SCUBE1: variants seen among roughly 807,000 people sequenced by gnomAD.
SCUBE1 encodes the protein signal peptide, CUB and EGF-like domain-containing protein 1.
A neutral mutation model predicts 124.4 loss-of-function variants in SCUBE1; 59 were observed. The observed-to-expected ratio is 0.47, with a 90% CI of 0.38 to 0.59. The LOEUF is 0.59. Among genes scored for constraint, SCUBE1 ranks in the 20% least tolerant of loss-of-function variants. The pLI is 0.00. For missense variants in SCUBE1, 1,150 were observed against 1,371.2 expected (o/e 0.84, Z 2.55); for synonymous variants, 545 against 550.9 (o/e 0.99, Z 0.15).
chr22:43,220,415 G>T (rs773699930), intron 14 of SCUBE1, 35 bp downstream of exon 14: 2 of 1,606,334 alleles, frequency 1.2e-6, no homozygotes, highest in South Asian at 2.2e-5. Context: ...CCTCCTTCAG[G>T]CCTGCAGAAG....
At chr22:43,288,361 C>T (rs537668877) in intron 4 of SCUBE1, among the ~76,000 whole-genome samples, 1 of 152,054 alleles carries the variant, frequency 6.6e-6, no homozygotes, top group Non-Finnish European at 1.5e-5. Flanking sequence ...CCCAGATGGC[C>T]TCCCCTCTCC....
At chr22:43,322,348 C>T (rs1926586212) in intron 2 of SCUBE1, among the ~76,000 whole-genome samples, 1 of 152,166 alleles carries the variant, frequency 6.6e-6, no homozygotes, top group Admixed American at 6.5e-5. Flanking sequence ...TGACCTTTCT[C>T]CAGAGCCCCA....
intron 21 of SCUBE1, among the ~76,000 whole-genome samples, chr22:43,204,812 C>A (rs186534721): frequency 6.6e-6 from 1 of 151,784 alleles, no homozygotes; most frequent in Non-Finnish European, 1.5e-5. Context: ...GGCGTGGTGG[C>A]GCATGCCTGT....
Position 43,227,412 on chromosome 22 carries a change from G to C in SCUBE1, c.1169C>G (p.Pro390Arg), listed in dbSNP as rs185039637. The C allele has an allele frequency of 4.2e-4, 682 of 1,612,070 alleles. 3 individuals carry two copies. In the East Asian group the frequency reaches 0.015, roughly 35 times the overall value. The change falls in exon 10 of 22, where the codon CCG becomes CGG. Residue 390 changes from proline to arginine, a missense_variant. Transcript: ENST00000360835. ...CCCGTTCCAGTGGAGCCGCCTCCCC[G>C]GGGGACAGACGCACTCGTAGCTGCC... The part of the protein sequence containing the change: ...TKGSYECVCP[P>R]GRRLHWNGKD...
chr22:43,284,779 G>GTCGTCA lies in SCUBE1; in HGVS notation c.484+6266_484+6267insTGACGA, dbSNP rs372996693. On this transcript the variant is annotated intron_variant, in intron 4 of 21. Transcript: ENST00000360835. ...CATCGTCATCGTCGTCGTCGTCGTC[G>GTCGTCA]TCATCATCATCATCACATTACACAC... Among the ~76,000 whole-genome samples the GTCGTCA allele has an allele frequency of 1.3e-3, 196 of 152,146 alleles. 1 individual carries two copies. Among genetic ancestry groups the GTCGTCA allele is most frequent in the African/African-American group, 4.2e-3 (176 of 41,484 alleles).
chr22:43,291,354 C>T (rs1409136570), intron 3 of SCUBE1, among the ~76,000 whole-genome samples, 174 bp from the exon 4 acceptor site: 1 of 152,068 alleles, frequency 6.6e-6, no homozygotes, highest in Non-Finnish European at 1.5e-5. Context: ...TGGGCCTCCA[C>T]GGCCCTGCAC....
chr22:43,320,902 C>T (rs1926520407), intron 2 of SCUBE1, among the ~76,000 whole-genome samples: 1 of 152,238 alleles, frequency 6.6e-6, no homozygotes, highest in Admixed American at 6.5e-5. Flanking sequence ...ACCCCGGTCA[C>T]ACCTGGCGTC....
chr22:43,314,549 C>T lies in SCUBE1; in HGVS notation c.349+5388G>A, dbSNP rs567028587. On this transcript the variant is annotated intron_variant, in intron 3 of 21. Coordinates refer to ENST00000360835, the MANE Select transcript of SCUBE1 (RefSeq NM_173050.5). ...AGTCATGAGCACCTGGAACACACGC[C>T]TACCACTCCACATTACATGCTGGGT... Among the ~76,000 whole-genome samples the T allele has an allele frequency of 3.3e-5, 5 of 152,254 alleles. No individual in the cohort carries two copies. In the East Asian group the frequency reaches 9.7e-4, roughly 29 times the overall value.
At position 43,210,796 on chromosome 22, in the gene SCUBE1, G is replaced by A. The variant is rs890732225; in HGVS notation, c.2383+126C>T. On this transcript the variant is annotated intron_variant, in intron 18 of 21. Transcript: ENST00000360835. This position sits in a 1 kb window ranked among gnomAD's most constrained non-coding sequence, Gnocchi z 4.5. ...GGATGCAATGCACCCGAGAGCAGAC[G>A]GGACGGAGCGGGAGGAGTCCAGTGT... The A allele has an allele frequency of 2.1e-5, 24 of 1,142,406 alleles. No homozygotes were observed. The highest frequency in any genetic ancestry group is 3.0e-5 in the Non-Finnish European group (24 of 788,854). 70.8% of individuals were successfully genotyped at this position (1,142,406 alleles called of 1,614,324 possible).
intron 9 of SCUBE1, 66 bp downstream of exon 9, chr22:43,229,006 G>T: frequency 8.7e-7 from 1 of 1,152,248 alleles, no homozygotes; most frequent in Non-Finnish European, 1.3e-6. Context: ...GGGGTGCAGT[G>T]TAGGTGGCCG....
intron 9 of SCUBE1, among the ~76,000 whole-genome samples, 185 bp downstream of exon 9, chr22:43,228,887 T>C (rs1922435578): frequency 1.3e-5 from 2 of 152,242 alleles, no homozygotes; most frequent in African/African-American, 4.8e-5. Context: ...TGCTACCCCT[T>C]GTCTCCCCAG....
intron 3 of SCUBE1, among the ~76,000 whole-genome samples, chr22:43,311,674 G>A (rs1226428741): frequency 6.6e-6 from 1 of 151,508 alleles, no homozygotes; most frequent in Non-Finnish European, 1.5e-5. Flanking sequence ...TGATCCACCC[G>A]CCTCGGTCTC....
chr22:43,324,742 G>A (rs1215805087), intron 2 of SCUBE1, among the ~76,000 whole-genome samples: 1 of 151,884 alleles, frequency 6.6e-6, no homozygotes, highest in Non-Finnish European at 1.5e-5. Flanking sequence ...GACAGCCAGA[G>A]AACGAGAAAC....
chr22:43,255,614 G>T lies in SCUBE1; in HGVS notation c.727+2605C>A. ...GTAAGGGACAAACACGGAGCCAGTG[G>T]TTAATGACAGCCCACTTCCCGCGGC... On this transcript the variant is annotated intron_variant, in intron 6 of 21. Transcript: ENST00000360835. This position sits in a 1 kb window ranked among gnomAD's most constrained non-coding sequence, Gnocchi z 4.7. The T allele has an allele frequency of 6.6e-7, 1 of 1,513,280 alleles. No homozygotes were observed. Among genetic ancestry groups the T allele is most frequent in the Non-Finnish European group, 9.0e-7 (1 of 1,113,920 alleles). 93.7% of individuals were successfully genotyped at this position (1,513,280 alleles called of 1,614,324 possible).
chr22:43,225,189 A>AT (rs545812808), intron 10 of SCUBE1, among the ~76,000 whole-genome samples: 1 of 149,036 alleles, frequency 6.7e-6, no homozygotes, highest in African/African-American at 2.5e-5. Flanking sequence ...TTATCGCATC[A>AT]CCCCCCCACT....
intron 3 of SCUBE1, among the ~76,000 whole-genome samples, chr22:43,295,058 G>A (rs1389072078): frequency 6.6e-6 from 1 of 152,180 alleles, no homozygotes; most frequent in Non-Finnish European, 1.5e-5. Context: ...GGCAGAAAGA[G>A]AACTGGAAGC....
chr22:43,274,091 A>G (rs1924402682), intron 4 of SCUBE1, among the ~76,000 whole-genome samples: 1 of 151,990 alleles, frequency 6.6e-6, no homozygotes, highest in Non-Finnish European at 1.5e-5. Flanking sequence ...TGTCACCGCA[A>G]TCAAGTTTTT....
intron 3 of SCUBE1, among the ~76,000 whole-genome samples, chr22:43,308,451 A>G (rs1926054948): frequency 6.6e-6 from 1 of 152,260 alleles, no homozygotes; most frequent in South Asian, 2.1e-4. Flanking sequence ...GTTTAGTTTT[A>G]CATTAAGATG....
chr22:43,251,805 CTGTT>C (rs1016755112), intron 6 of SCUBE1, among the ~76,000 whole-genome samples: 7 of 152,224 alleles, frequency 4.6e-5, no homozygotes, highest in African/African-American at 1.7e-4. Flanking sequence ...TTGCGGGAAT[CTGTT>C]AGCAGCAGCA....
Sources: gnomAD v4.1 joint callset for allele counts (sites outside exome capture counted in the v4.1 genomes callset) on GRCh38, gnomAD v4.1.1 for gene constraint, Gnocchi (gnomAD v3.1) non-coding constraint, MANE v1.5 for transcripts, NCBI Gene and HGNC (gene_info 2026-07-23, HGNC 2026-07-21) for gene names.